Variants in FAF1 observed in about 807,000 individuals in gnomAD.
FAF1 encodes FAS-associated factor 1.
Under a neutral mutation model 92.5 loss-of-function variants are expected in FAF1, and 25 were observed. The observed-to-expected ratio is 0.27, with a 90% CI of 0.20 to 0.38. FAF1 has a LOEUF of 0.38. Ranked by LOEUF, FAF1 falls within the 10% of genes least tolerant of loss-of-function variation. FAF1 has a pLI of 1.00. For missense variants in FAF1, 636 were observed against 793.3 expected, an observed-to-expected ratio of 0.80 and a Z score of 2.38; for synonymous variants, 234 against 273.2, an observed-to-expected ratio of 0.86 and a Z score of 1.42.
chr1:50,515,346 T>C (rs1230388240), intron 15 of FAF1, among the ~76,000 whole-genome samples: 1 of 152,174 alleles, frequency 6.6e-6, no homozygotes, highest in Non-Finnish European at 1.5e-5. Context: ...AGGTTTTGTA[T>C]GTATTCTAAA....
At chr1:50,725,153 T>C (rs1658591195) in intron 6 of FAF1, among the ~76,000 whole-genome samples, 2 of 152,344 alleles carry the variant, frequency 1.3e-5, no homozygotes, top group South Asian at 4.1e-4. Context: ...CTGATTTCTA[T>C]GTGTCTAATC....
chr1:50,902,772 T>A (rs1214954078), intron 1 of FAF1, among the ~76,000 whole-genome samples: 1 of 152,232 alleles, frequency 6.6e-6, no homozygotes, highest in Non-Finnish European at 1.5e-5. Flanking sequence ...ATGTAAATGA[T>A]ATGTAAGTAG....
chr1:50,889,095 G>C (rs545318978), intron 1 of FAF1, among the ~76,000 whole-genome samples: 1 of 152,288 alleles, frequency 6.6e-6, no homozygotes, highest in African/African-American at 2.4e-5. Flanking sequence ...AGTCTTGGGA[G>C]GGTGTATGTA....
intron 1 of FAF1, among the ~76,000 whole-genome samples, chr1:50,891,797 CAG>C (rs1373182258): frequency 6.6e-6 from 1 of 152,236 alleles, no homozygotes; most frequent in Non-Finnish European, 1.5e-5. Context: ...TTAGGCTACT[CAG>C]GGGTGAGGGA....
chr1:50,776,799 A>G (rs1327692942), intron 4 of FAF1, among the ~76,000 whole-genome samples: 2 of 152,216 alleles, frequency 1.3e-5, no homozygotes, highest in African/African-American at 4.8e-5. Flanking sequence ...AGGCTAAATC[A>G]TATCCCTTTC....
At chr1:50,580,638 T>C (rs1032245083) in intron 12 of FAF1, among the ~76,000 whole-genome samples, 1 of 152,266 alleles carries the variant, frequency 6.6e-6, no homozygotes, top group African/African-American at 2.4e-5. Context: ...AAGCTGTTAT[T>C]ACAGGATTAT....
intron 8 of FAF1, chr1:50,606,989 A>G (rs1184165674): frequency 1.3e-5 from 2 of 152,252 alleles, no homozygotes; most frequent in Non-Finnish European, 2.9e-5. Flanking sequence ...GGAGGCAAAA[A>G]TAACAACAAC....
intron 18 of FAF1, among the ~76,000 whole-genome samples, chr1:50,459,843 C>T (rs764805096): frequency 6.6e-6 from 1 of 152,188 alleles, no homozygotes; most frequent in African/African-American, 2.4e-5. Context: ...TGCAACTTAG[C>T]TAGGTCAATT....
chr1:50,762,224 T>C (rs1660356476), intron 4 of FAF1, among the ~76,000 whole-genome samples: 1 of 152,194 alleles, frequency 6.6e-6, no homozygotes, highest in African/African-American at 2.4e-5. Flanking sequence ...TCCATGCTCA[T>C]GGGTAGGAAG....
intron 8 of FAF1, among the ~76,000 whole-genome samples, chr1:50,631,966 T>C (rs928101592): frequency 6.6e-6 from 1 of 152,210 alleles, no homozygotes; most frequent in African/African-American, 2.4e-5. Context: ...TGTGCCTAAT[T>C]TACAAATTAA....
At chr1:50,846,451 C>G in intron 2 of FAF1, 1 of 442,194 alleles carries the variant, frequency 2.3e-6, no homozygotes, top group South Asian at 1.7e-5. Flanking sequence ...CCGAGCCGCA[C>G]GCATCGAGCC....
At chr1:50,495,615 G>A (rs1400612610) in intron 15 of FAF1, among the ~76,000 whole-genome samples, 25 of 152,010 alleles carry the variant, frequency 1.6e-4, no homozygotes, top group Admixed American at 1.6e-3. Context: ...CCTCCTTTTG[G>A]GTATATACCC....
At chr1:50,490,130 C>A (rs1646813064) in intron 17 of FAF1, among the ~76,000 whole-genome samples, 3 of 152,140 alleles carry the variant, frequency 2.0e-5, no homozygotes, top group Admixed American at 2.0e-4. Flanking sequence ...AAGGCCAAGG[C>A]AGGTGGATCA....
chr1:50,714,171 T>C (rs945643017), intron 6 of FAF1, among the ~76,000 whole-genome samples: 3 of 152,060 alleles, frequency 2.0e-5, no homozygotes, highest in Non-Finnish European at 4.4e-5. Context: ...TATAAATATT[T>C]TTTTTCTTCA....
At chr1:50,841,518 G>T (rs1169149230) in intron 2 of FAF1, among the ~76,000 whole-genome samples, 4 of 151,796 alleles carry the variant, frequency 2.6e-5, no homozygotes, top group African/African-American at 9.7e-5. Context: ...AAAATACATT[G>T]AAAAAATAAT....
At chr1:50,761,491 T>C (rs1465715745) in intron 4 of FAF1, among the ~76,000 whole-genome samples, 3 of 152,072 alleles carry the variant, frequency 2.0e-5, no homozygotes, top group Admixed American at 6.6e-5. Context: ...TTATCCACCA[T>C]GATCAAGTGG....
At chr1:50,554,475 A>T (rs1266773518) in intron 13 of FAF1, among the ~76,000 whole-genome samples, 1 of 150,680 alleles carries the variant, frequency 6.6e-6, no homozygotes, top group Non-Finnish European at 1.5e-5. Flanking sequence ...TAGGTACTTA[A>T]TTAATGGTTG....
At chr1:50,462,890 T>C (rs1051308521) in intron 18 of FAF1, among the ~76,000 whole-genome samples, 1 of 152,146 alleles carries the variant, frequency 6.6e-6, no homozygotes, top group Non-Finnish European at 1.5e-5. Flanking sequence ...CAGAAGTGAA[T>C]TTGAGACATG....
chr1:50,906,259 C>G (rs970648363), intron 1 of FAF1, among the ~76,000 whole-genome samples: 1 of 152,132 alleles, frequency 6.6e-6, no homozygotes, highest in Admixed American at 6.5e-5. Flanking sequence ...GGTACCAGTA[C>G]CATGCTGTTT....
Sources: gnomAD v4.1 joint callset for allele counts (sites outside exome capture counted in the v4.1 genomes callset) on GRCh38, gnomAD v4.1.1 for gene constraint, MANE v1.5 for transcripts, NCBI Gene and HGNC (gene_info 2026-07-23, HGNC 2026-07-21) for gene names.